Variants in RPS6KA2 observed in about 807,000 individuals in gnomAD.
The protein encoded by RPS6KA2 is ribosomal protein S6 kinase alpha-2.
In RPS6KA2, 42 loss-of-function variants were observed where a neutral mutation model predicts 91.8. The observed-to-expected ratio is 0.46, with a 90% CI of 0.36 to 0.59. RPS6KA2 has a LOEUF of 0.59. Among genes scored for constraint, RPS6KA2 ranks in the 20% least tolerant of loss-of-function variants. The probability of loss-of-function intolerance (pLI) is 0.00; values close to 1 mark genes in which losing one functional copy is unlikely to be tolerated. For missense variants in RPS6KA2, 798 were observed against 978.5 expected, an observed-to-expected ratio of 0.82 and a Z score of 2.46; for synonymous variants, 414 against 393.6, an observed-to-expected ratio of 1.05 and a Z score of -0.61.
chr6:166,580,080 C>T (rs1314197701), intron 1 of RPS6KA2, among the ~76,000 whole-genome samples: 1 of 152,262 alleles, frequency 6.6e-6, no homozygotes, highest in Admixed American at 6.5e-5. Context: ...TTGCCCCCAT[C>T]ACAGTGGGCT....
chr6:166,561,121 T>C (rs1196038584), intron 1 of RPS6KA2, among the ~76,000 whole-genome samples: 1 of 152,150 alleles, frequency 6.6e-6, no homozygotes, highest in Non-Finnish European at 1.5e-5. Context: ...ACGACCTTCC[T>C]CCATGTTGGA....
intron 2 of RPS6KA2, among the ~76,000 whole-genome samples, chr6:166,762,676 T>C (rs1349421650): frequency 2.0e-5 from 3 of 152,036 alleles, no homozygotes; most frequent in Admixed American, 6.6e-5. Flanking sequence ...CACAGGTAAA[T>C]AAATCAACAG....
intron 2 of RPS6KA2, among the ~76,000 whole-genome samples, chr6:166,638,805 A>G (rs1418311325): frequency 6.6e-6 from 1 of 152,176 alleles, no homozygotes; most frequent in Non-Finnish European, 1.5e-5. Flanking sequence ...GGCACTGCTG[A>G]ACCCTCTACA....
intron 2 of RPS6KA2, among the ~76,000 whole-genome samples, chr6:166,677,362 G>GT (rs199505387): frequency 0.019 from 2,731 of 141,322 alleles, 45 homozygotes; most frequent in South Asian, 0.077. Context: ...GTTCATATCA[G>GT]TTTTTTTTTT....
chr6:166,556,289 C>T (rs574517627), intron 1 of RPS6KA2, among the ~76,000 whole-genome samples: 42 of 152,306 alleles, frequency 2.8e-4, no homozygotes, highest in Middle Eastern at 6.8e-3. Context: ...AATTCACTCA[C>T]ACCAACTCCT....
At chr6:166,682,793 C>T (rs932992274) in intron 2 of RPS6KA2, among the ~76,000 whole-genome samples, 6 of 152,204 alleles carry the variant, frequency 3.9e-5, no homozygotes, top group African/African-American at 9.6e-5. Flanking sequence ...TCAGAGCGCC[C>T]TATGACCACC....
intron 2 of RPS6KA2, among the ~76,000 whole-genome samples, chr6:166,786,373 G>A (rs9457210): frequency 0.21 from 32,494 of 151,882 alleles, 4,241 homozygotes; most frequent in African/African-American, 0.37. Flanking sequence ...CCAGTTAAAA[G>A]GAGTTAATAG....
intron 2 of RPS6KA2, among the ~76,000 whole-genome samples, chr6:166,712,706 C>T (rs1249105924): frequency 6.6e-6 from 1 of 152,210 alleles, no homozygotes; most frequent in Non-Finnish European, 1.5e-5. Context: ...CCCACCGAGG[C>T]CCACAGGTGG....
chr6:166,819,063 G>A (rs1415696329), intron 2 of RPS6KA2, among the ~76,000 whole-genome samples: 1 of 151,992 alleles, frequency 6.6e-6, no homozygotes, highest in East Asian at 1.9e-4. Flanking sequence ...GGGAATTTCT[G>A]GGGTTTAGCA....
intron 2 of RPS6KA2, among the ~76,000 whole-genome samples, chr6:166,640,496 C>T (rs1040522835): frequency 6.6e-6 from 1 of 152,098 alleles, no homozygotes; most frequent in East Asian, 1.9e-4. Flanking sequence ...CAGGGGAGCT[C>T]GGGAGGAAGC....
intron 3 of RPS6KA2, among the ~76,000 whole-genome samples, chr6:166,520,083 C>T (rs1164565151): frequency 1.3e-5 from 2 of 152,190 alleles, no homozygotes; most frequent in Non-Finnish European, 2.9e-5. Context: ...GAATCTGCTC[C>T]CTGTTGAACT....
intron 14 of RPS6KA2, among the ~76,000 whole-genome samples, chr6:166,436,824 G>A (rs968313271): frequency 5.9e-5 from 9 of 152,150 alleles, no homozygotes; most frequent in African/African-American, 1.9e-4. Context: ...GGGATTATAG[G>A]GCACATCCTG....
At chr6:166,472,579 G>A (rs1780811877) in intron 10 of RPS6KA2, among the ~76,000 whole-genome samples, 1 of 152,152 alleles carries the variant, frequency 6.6e-6, no homozygotes, top group African/African-American at 2.4e-5. Flanking sequence ...ACAGGAGGAG[G>A]ACTTTTGCAC....
chr6:166,473,783 TC>T, intron 10 of RPS6KA2, among the ~76,000 whole-genome samples: 1 of 152,300 alleles, frequency 6.6e-6, no homozygotes, highest in South Asian at 2.1e-4. Context: ...ACTGGCTGCC[TC>T]CTTAGGTTTC....
chr6:166,715,705 A>C (rs2128582124), intron 2 of RPS6KA2, among the ~76,000 whole-genome samples: 1 of 152,264 alleles, frequency 6.6e-6, no homozygotes, highest in Admixed American at 6.5e-5. Context: ...TGCGCTGAAC[A>C]CTGGAGGCAG....
intron 10 of RPS6KA2, among the ~76,000 whole-genome samples, chr6:166,485,115 C>T (rs1781361080): frequency 6.6e-6 from 1 of 152,222 alleles, no homozygotes; most frequent in African/African-American, 2.4e-5. Context: ...TGGGGCCTGC[C>T]TTCCAGGGCT....
intron 1 of RPS6KA2, among the ~76,000 whole-genome samples, chr6:166,587,896 A>C (rs1785234269): frequency 6.6e-6 from 1 of 152,166 alleles, no homozygotes; most frequent in Non-Finnish European, 1.5e-5. Flanking sequence ...CGAGGAGGTG[A>C]GAGTGAGACC....
chr6:166,600,872 A>C (rs1040832310), intron 1 of RPS6KA2, among the ~76,000 whole-genome samples: 7 of 152,224 alleles, frequency 4.6e-5, no homozygotes, highest in African/African-American at 1.7e-4. Context: ...TAAATTTTAA[A>C]CTCAGTCATT....
chr6:166,450,176 G>GACC (rs926169278), intron 13 of RPS6KA2, among the ~76,000 whole-genome samples: 4 of 141,318 alleles, frequency 2.8e-5, no homozygotes, highest in African/African-American at 1.1e-4. Context: ...CCACCATGGG[G>GACC]ACCACCACAA....
Sources: allele counts gnomAD v4.1 joint callset (sites outside exome capture counted in the v4.1 genomes callset), GRCh38; gene constraint gnomAD v4.1.1; transcripts MANE v1.5; gene names NCBI Gene and HGNC (gene_info 2026-07-23, HGNC 2026-07-21).